PPP1R1C: variants seen among roughly 807,000 people sequenced by gnomAD.
The protein encoded by PPP1R1C is protein phosphatase 1 regulatory subunit 1C.
A neutral mutation model predicts 17.4 loss-of-function variants in PPP1R1C; 15 were observed. That is an observed-to-expected ratio of 0.86 (90% confidence interval 0.58 to 1.33). The LOEUF is 1.33. PPP1R1C is among the 40% of genes most tolerant of loss of function. The pLI is 0.00. For synonymous variants in PPP1R1C, 35 were observed against 43.1 expected, an observed-to-expected ratio of 0.81 and a Z score of 0.73; for missense variants, 143 against 130.0, an observed-to-expected ratio of 1.10 and a Z score of -0.48.
chr2:182,071,840 C>T (rs913441406), intron 4 of PPP1R1C, among the ~76,000 whole-genome samples: 13 of 152,128 alleles, frequency 8.5e-5, no homozygotes, highest in Admixed American at 6.5e-5. Flanking sequence ...CCATTGACTC[C>T]TGTGTCCCAT....
intron 2 of PPP1R1C, among the ~76,000 whole-genome samples, chr2:182,010,959 C>T (rs1385165899): frequency 6.6e-6 from 1 of 152,036 alleles, no homozygotes; most frequent in African/African-American, 2.4e-5. Flanking sequence ...TTCTTGCATC[C>T]CTGGGATAAA....
At chr2:181,996,305 T>G (rs1353720784) in intron 2 of PPP1R1C, among the ~76,000 whole-genome samples, 1 of 151,994 alleles carries the variant, frequency 6.6e-6, no homozygotes, top group African/African-American at 2.4e-5. Flanking sequence ...AGGCATGTCC[T>G]AAACAAATGT....
intron 2 of PPP1R1C, among the ~76,000 whole-genome samples, chr2:182,048,004 C>T (rs1448136109): frequency 6.6e-6 from 1 of 151,974 alleles, no homozygotes; most frequent in Non-Finnish European, 1.5e-5. Flanking sequence ...TTGGCATCCC[C>T]TAAAATGAGC....
At chr2:181,991,115 T>A (rs1029815151) in intron 2 of PPP1R1C, among the ~76,000 whole-genome samples, 1 of 6,120 alleles carries the variant, frequency 1.6e-4, no homozygotes, top group African/African-American at 1.2e-3. Flanking sequence ...CATAGCTTGC[T>A]TTTTTTTTTA....
Position 181,967,633 on chromosome 2 carries a change from T to TTTCC in PPP1R1C, n.112-7572_112-7569dup, listed in dbSNP as rs1172184607. 2.6e-5 allele frequency among the ~76,000 whole-genome samples: 4 copies of TTTCC among 152,196 alleles called. No homozygotes were observed. The highest frequency in any genetic ancestry group is 1.9e-4 in the East Asian group (1 of 5,184). Reference sequence around the variant, plus strand: ...AGTTTGTGTTTCTGTTGTTATCAATTTTCCTTCCTTCCTTCCTCCCTCCCT... The same window carrying TTTCC: ...AGTTTGTGTTTCTGTTGTTATCAATTTTCCTTCCTTCCTTCCTTCCTCCCTCCCT... On this transcript the variant is annotated intron_variant and non_coding_transcript_variant, in intron 1 of 5. Coordinates refer to the PPP1R1C transcript ENST00000464264. The surrounding 1 kb of genome is among the most constrained non-coding windows in gnomAD (Gnocchi z 5.5).
chr2:181,991,829 T>G (rs1685481935), intron 2 of PPP1R1C, among the ~76,000 whole-genome samples: 1 of 152,218 alleles, frequency 6.6e-6, no homozygotes, highest in African/African-American at 2.4e-5. Context: ...CTGTTTGCTT[T>G]TACTTTTGTA....
intron 2 of PPP1R1C, among the ~76,000 whole-genome samples, chr2:182,010,588 T>G (rs1215370092): frequency 2.0e-5 from 3 of 152,102 alleles, no homozygotes; most frequent in African/African-American, 7.2e-5. Flanking sequence ...TTTAGCTGCT[T>G]CTTTTACAAT....
At chr2:182,019,419 G>A (rs1434392605) in intron 2 of PPP1R1C, among the ~76,000 whole-genome samples, 3 of 152,190 alleles carry the variant, frequency 2.0e-5, no homozygotes, top group South Asian at 2.1e-4. Flanking sequence ...ACAACTTCAC[G>A]CCATTTCAAC....
chr2:182,033,656 G>C (rs1388327896), intron 2 of PPP1R1C, among the ~76,000 whole-genome samples: 2 of 151,900 alleles, frequency 1.3e-5, no homozygotes, highest in Non-Finnish European at 2.9e-5. Flanking sequence ...CTCACTCCTT[G>C]TGCCAACTTT....
upstream of PPP1R1C, among the ~76,000 whole-genome samples, chr2:181,981,836 G>C (rs897229886): frequency 6.6e-6 from 1 of 152,190 alleles, no homozygotes; most frequent in South Asian, 2.1e-4. Context: ...AAATAGAAGA[G>C]ACAGAAAATC....
At chr2:182,069,687 G>A (rs892575151) in intron 4 of PPP1R1C, among the ~76,000 whole-genome samples, 1 of 151,962 alleles carries the variant, frequency 6.6e-6, no homozygotes, top group East Asian at 1.9e-4. Flanking sequence ...TGTCAATATG[G>A]TTCCATTCAT....
chr2:182,126,621 A>C (rs916674766), intron 5 of PPP1R1C, among the ~76,000 whole-genome samples: 16 of 151,996 alleles, frequency 1.1e-4, no homozygotes, highest in African/African-American at 3.9e-4. Flanking sequence ...GCAATGCAGC[A>C]TTGTCCTGTA....
intron 1 of PPP1R1C, among the ~76,000 whole-genome samples, chr2:181,956,071 C>T (rs1191211164): frequency 1.3e-5 from 2 of 152,184 alleles, no homozygotes; most frequent in African/African-American, 2.4e-5. Context: ...GCCCACAGGC[C>T]TGGCGTGTGA....
intron 4 of PPP1R1C, among the ~76,000 whole-genome samples, chr2:182,090,136 T>G (rs1220788424): frequency 6.6e-6 from 1 of 152,168 alleles, no homozygotes; most frequent in African/African-American, 2.4e-5. Context: ...TTCCTATCTA[T>G]GTAGAATTAA....
At chr2:181,973,901 G>T (rs938139952) in intron 1 of PPP1R1C, among the ~76,000 whole-genome samples, 1 of 151,964 alleles carries the variant, frequency 6.6e-6, no homozygotes, top group African/African-American at 2.4e-5. Flanking sequence ...TTTTGAAAAG[G>T]TTGTCTAATC....
In PPP1R1C at chr2:182,107,431, T is replaced by C. The variant is rs574176756; in HGVS notation, c.242-9776T>C. Among the ~76,000 whole-genome samples the C allele has an allele frequency of 7.2e-5, 11 of 152,316 alleles. No individual in the cohort carries two copies. In the South Asian group the frequency reaches 2.3e-3, roughly 32 times the overall value. On this transcript the variant is annotated intron_variant, in intron 4 of 4. Coordinates refer to ENST00000682840, the MANE Select transcript of PPP1R1C (RefSeq NM_001080545.3). The stretch of plus-strand genomic sequence containing the variant: ...TCTGAGAGTCATTCCTGCCTTATTT[T>C]CCTGGAGATGTCATGGATATGAGAA...
chr2:182,002,293 T>A (rs1299277265), intron 2 of PPP1R1C, among the ~76,000 whole-genome samples: 1 of 151,962 alleles, frequency 6.6e-6, no homozygotes, highest in Non-Finnish European at 1.5e-5. Context: ...TTCACTCCAG[T>A]AAAAAATCTG....
chr2:181,996,962 G>A lies in PPP1R1C; in HGVS notation c.142+9063G>A, dbSNP rs1685628387. Among the ~76,000 whole-genome samples, 3 of 152,170 alleles carry A rather than the reference G, an allele frequency of 2.0e-5. 1 individual carries two copies. The highest frequency in any genetic ancestry group is 2.0e-4 in the Admixed American group (3 of 15,288). ...GACATATACACAGCCGGGCGCGGTG[G>A]CTCACGCCTGTAATTCCAGCACTTT... is the stretch of plus-strand genomic sequence containing the variant. On this transcript the variant is annotated intron_variant, in intron 2 of 4. Transcript: ENST00000682840.
chr2:181,984,753 A>G (rs145029214), upstream of PPP1R1C, among the ~76,000 whole-genome samples: 72 of 152,378 alleles, frequency 4.7e-4, no homozygotes, highest in East Asian at 0.013. Context: ...CTGGAATCAT[A>G]GTCGATGTCT....
Sources: allele counts gnomAD v4.1 joint callset (sites outside exome capture counted in the v4.1 genomes callset), GRCh38; gene constraint gnomAD v4.1.1; non-coding constraint Gnocchi (gnomAD v3.1); transcripts MANE v1.5; gene names NCBI Gene and HGNC (gene_info 2026-07-23, HGNC 2026-07-21).